SCAI: variants seen among roughly 807,000 people sequenced by gnomAD.
The protein encoded by SCAI is protein SCAI.
SCAI carries 24 observed loss-of-function variants against 92.2 expected under a neutral mutation model. The observed-to-expected ratio is 0.26, with a 90% CI of 0.19 to 0.37. SCAI has a LOEUF of 0.37. Ranked by LOEUF, SCAI falls within the 10% of genes least tolerant of loss-of-function variation. SCAI has a pLI of 1.00. For synonymous variants in SCAI, 261 were observed against 258.6 expected (o/e 1.01, Z -0.09); for missense variants, 450 against 736.2 (o/e 0.61, Z 4.50).
At chr9:125,106,543 C>T (rs1254018733) in intron 2 of SCAI, among the ~76,000 whole-genome samples, 2 of 152,050 alleles carry the variant, frequency 1.3e-5, no homozygotes, top group African/African-American at 4.8e-5. Flanking sequence ...TCTTCCCAAA[C>T]ATGTGAATCT....
chr9:125,035,903 T>G (rs1389420544), intron 3 of SCAI, among the ~76,000 whole-genome samples: 1 of 152,084 alleles, frequency 6.6e-6, no homozygotes, highest in Non-Finnish European at 1.5e-5. Context: ...ACAAAAAAAT[T>G]TAAAAATTAG....
At chr9:125,047,635 A>C (rs1347685861) in intron 3 of SCAI, among the ~76,000 whole-genome samples, 1 of 152,188 alleles carries the variant, frequency 6.6e-6, no homozygotes. Flanking sequence ...ATTCACGAGA[A>C]AGCACAGTCA....
At chr9:125,063,656 G>C (rs1833820429) in intron 2 of SCAI, among the ~76,000 whole-genome samples, 1 of 151,538 alleles carries the variant, frequency 6.6e-6, no homozygotes, top group South Asian at 2.1e-4. Flanking sequence ...CTATTATCAG[G>C]CGACACTGAC....
At chr9:124,975,228 G>A (rs1200643361) in intron 15 of SCAI, 2 of 404,632 alleles carry the variant, frequency 4.9e-6, no homozygotes, top group East Asian at 1.6e-4. Context: ...GTTTTTCCCT[G>A]TTAAACAGCA....
chr9:125,024,648 T>TA (rs926473483), intron 6 of SCAI, among the ~76,000 whole-genome samples: 2 of 152,142 alleles, frequency 1.3e-5, no homozygotes, highest in Non-Finnish European at 2.9e-5. Context: ...GCTCCCTACT[T>TA]ACAAGACACT....
At chr9:125,066,135 A>G in intron 2 of SCAI, 1 of 627,318 alleles carries the variant, frequency 1.6e-6, no homozygotes. Flanking sequence ...ATTTCCATAG[A>G]AATTTCAAAA....
intron 2 of SCAI, among the ~76,000 whole-genome samples, chr9:125,082,193 C>T (rs533636945): frequency 6.6e-6 from 1 of 152,320 alleles, no homozygotes; most frequent in South Asian, 2.1e-4. Context: ...CCAGCCATGA[C>T]TAAAAGGGGC....
chr9:125,124,382 G>A (rs571156139), intron 2 of SCAI, among the ~76,000 whole-genome samples: 2 of 152,288 alleles, frequency 1.3e-5, no homozygotes, highest in South Asian at 4.1e-4. Flanking sequence ...GTAAGCTAGA[G>A]ACCCAAGAGA....
intron 3 of SCAI, among the ~76,000 whole-genome samples, chr9:125,046,067 A>C (rs1833427167): frequency 6.6e-6 from 1 of 151,132 alleles, no homozygotes; most frequent in Non-Finnish European, 1.5e-5. Flanking sequence ...ATCTACCCAG[A>C]GGAAAAGAAG....
At chr9:125,084,053 T>C (rs1368723770) in intron 2 of SCAI, among the ~76,000 whole-genome samples, 1 of 151,068 alleles carries the variant, frequency 6.6e-6, no homozygotes, top group Non-Finnish European at 1.5e-5. Flanking sequence ...GTACTTGGTG[T>C]ACGGAGGAAC....
At chr9:124,982,475 C>T (rs1831906174) in intron 14 of SCAI, among the ~76,000 whole-genome samples, 1 of 151,912 alleles carries the variant, frequency 6.6e-6, no homozygotes, top group Admixed American at 6.6e-5. Context: ...AGTTCGACAC[C>T]AGCCTGGCCA....
chr9:124,971,968 C>A (rs1831669363), intron 15 of SCAI, 124 bp from the exon 16 acceptor site: 2 of 515,286 alleles, frequency 3.9e-6, no homozygotes, highest in African/African-American at 2.0e-5. Context: ...AATCATAATT[C>A]ATCAAAGCAG....
chr9:124,988,299 A>G (rs1832040828), intron 14 of SCAI, among the ~76,000 whole-genome samples: 1 of 152,038 alleles, frequency 6.6e-6, no homozygotes, highest in Non-Finnish European at 1.5e-5. Flanking sequence ...TCAGTTTGCT[A>G]GGCTCCAATC....
chr9:125,130,518 C>CT lies in SCAI; in HGVS notation c.98+12114dup, dbSNP rs201738897. ...AATTAAAAATTCAGACTGAAAACCT[C>CT]TTTTTTTTTTCTTTGAGATGGAGTC... On this transcript the variant is annotated intron_variant, in intron 2 of 17. Coordinates refer to ENST00000336505, the MANE Select transcript of SCAI (RefSeq NM_001144877.3). Among the ~76,000 whole-genome samples the CT allele has an allele frequency of 3.7e-4, 55 of 148,958 alleles. No homozygotes were observed. In the East Asian group the frequency reaches 6.3e-3, roughly 17 times the overall value.
In SCAI at chr9:124,995,015, G is replaced by A. The variant is rs1253922017; in HGVS notation, c.1245C>T (p.Cys415=). Residue 415 remains cysteine (C), a splice_region_variant and synonymous_variant, in exon 14 of 18, where the codon TGC becomes TGT. Transcript: ENST00000336505. The stretch of plus-strand genomic sequence containing the variant: ...AAGGATAGAGATCCCCGGGATGAAG[G>A]CTGGGAAAACAACAACGAAGAACTG... ...KRNQSHKEMH[C]LHPGDLYPFT... is the part of the protein sequence containing the mutation. 6.2e-7 allele frequency: 1 copy of A among 1,607,884 alleles called. No homozygotes were observed. Among genetic ancestry groups the A allele is most frequent in the African/African-American group, 1.3e-5 (1 of 74,792 alleles).
At chr9:125,024,201 C>G (rs915797609) in intron 6 of SCAI, among the ~76,000 whole-genome samples, 1 of 151,188 alleles carries the variant, frequency 6.6e-6, no homozygotes, top group Non-Finnish European at 1.5e-5. Context: ...ATGTTGTCAA[C>G]GTCAACATAA....
intron 17 of SCAI, among the ~76,000 whole-genome samples, chr9:124,967,661 A>G (rs1244737543): frequency 6.6e-6 from 1 of 151,250 alleles, no homozygotes; most frequent in Admixed American, 6.6e-5. Flanking sequence ...TAATAAAAAA[A>G]TACACACACA....
At chr9:125,113,791 C>T (rs576588626) in intron 2 of SCAI, among the ~76,000 whole-genome samples, 6 of 151,638 alleles carry the variant, frequency 4.0e-5, no homozygotes, top group South Asian at 4.2e-4. Flanking sequence ...GGAGAAACCC[C>T]GTCTCTACTA....
chr9:125,020,352 A>C (rs1030590313), intron 7 of SCAI, among the ~76,000 whole-genome samples: 3 of 152,204 alleles, frequency 2.0e-5, no homozygotes, highest in Non-Finnish European at 2.9e-5. Context: ...TTTTCTTCAC[A>C]TAACATTTCA....
Sources: gnomAD v4.1 joint callset for allele counts (sites outside exome capture counted in the v4.1 genomes callset) on GRCh38, gnomAD v4.1.1 for gene constraint, MANE v1.5 for transcripts, NCBI Gene and HGNC (gene_info 2026-07-23, HGNC 2026-07-21) for gene names.